RBFOX1: variants seen among roughly 807,000 people sequenced by gnomAD.
RBFOX1 encodes RNA binding fox-1 homolog 1.
Under a neutral mutation model 57.7 loss-of-function variants are expected in RBFOX1, and 8 were observed. That is an observed-to-expected ratio of 0.14 (90% CI 0.08 to 0.25). The LOEUF is 0.25. RBFOX1 is among the 10% of genes least tolerant of loss of function. The pLI is 1.00. For missense variants in RBFOX1, 611 were observed against 548.5 expected (o/e 1.11, Z -1.14); for synonymous variants, 326 against 222.4 (o/e 1.47, Z -4.15).
At chr16:6,057,377 A>G (rs1018040341) in intron 1 of RBFOX1, among the ~76,000 whole-genome samples, 2 of 151,986 alleles carry the variant, frequency 1.3e-5, no homozygotes, top group African/African-American at 4.8e-5. Context: ...GATCCTTCTA[A>G]TCCTATTCTA....
chr16:6,620,787 C>A (rs1472025936), intron 2 of RBFOX1, among the ~76,000 whole-genome samples: 1 of 150,378 alleles, frequency 6.6e-6, no homozygotes, highest in South Asian at 2.1e-4. Flanking sequence ...ATAGATCCTC[C>A]CCAGACTGAT....
intron 3 of RBFOX1, among the ~76,000 whole-genome samples, chr16:5,634,390 A>G (rs1343757299): frequency 6.6e-6 from 1 of 152,256 alleles, no homozygotes; most frequent in African/African-American, 2.4e-5. Flanking sequence ...TAATTGAGAC[A>G]AAAATAGGGA....
chr16:6,339,348 A>C (rs2084201648), intron 2 of RBFOX1, among the ~76,000 whole-genome samples: 1 of 152,214 alleles, frequency 6.6e-6, no homozygotes, highest in Non-Finnish European at 1.5e-5. Context: ...TGATGTGTGC[A>C]GCAAGTCAAT....
chr16:6,170,502 T>C (rs1409897639), intron 1 of RBFOX1, among the ~76,000 whole-genome samples: 4 of 152,206 alleles, frequency 2.6e-5, no homozygotes, highest in African/African-American at 9.6e-5. Flanking sequence ...AATGAGCATT[T>C]GTTGATTGTA....
intron 3 of RBFOX1, among the ~76,000 whole-genome samples, chr16:6,839,380 A>G (rs1320793598): frequency 6.6e-6 from 1 of 152,212 alleles, no homozygotes; most frequent in African/African-American, 2.4e-5. Flanking sequence ...GGCTGAGGTT[A>G]GGTTGTCAGC....
chr16:7,137,977 A>G (rs9889212), intron 4 of RBFOX1, among the ~76,000 whole-genome samples: 13 of 152,164 alleles, frequency 8.5e-5, no homozygotes, highest in African/African-American at 2.9e-4. Context: ...GGTTTTACAG[A>G]TGAGAAAATG....
intron 4 of RBFOX1, among the ~76,000 whole-genome samples, chr16:7,499,177 T>A (rs2069756745): frequency 6.6e-6 from 1 of 152,194 alleles, no homozygotes; most frequent in Non-Finnish European, 1.5e-5. Context: ...ACTGGTTCCT[T>A]CTGAGTGCTG....
At chr16:6,478,402 TATATATATATATATATATA>T (rs2095309176) in intron 2 of RBFOX1, among the ~76,000 whole-genome samples, 5 of 11,288 alleles carry the variant, frequency 4.4e-4, no homozygotes, top group African/African-American at 1.6e-3. Flanking sequence ...TATATATATA[TATATATATATATATATATA>T]TATATATATT....
At chr16:5,588,776 C>A (rs1292283577) in intron 2 of RBFOX1, among the ~76,000 whole-genome samples, 3 of 152,072 alleles carry the variant, frequency 2.0e-5, no homozygotes, top group Non-Finnish European at 2.9e-5. Context: ...TCAAGCCGGT[C>A]TTTTTTTGGA....
chr16:5,732,755 C>T (rs914595513), intron 3 of RBFOX1, among the ~76,000 whole-genome samples: 1 of 152,180 alleles, frequency 6.6e-6, no homozygotes, highest in Non-Finnish European at 1.5e-5. Context: ...GTGAGATTCT[C>T]CCAGGTCCTA....
intron 1 of RBFOX1, among the ~76,000 whole-genome samples, chr16:5,320,982 G>A (rs1288756183): frequency 6.6e-6 from 1 of 152,208 alleles, no homozygotes; most frequent in Non-Finnish European, 1.5e-5. Flanking sequence ...GGGCTCTTCT[G>A]TCTATAGTCA....
At chr16:6,565,126 CAAAA>C (rs34624731) in intron 2 of RBFOX1, among the ~76,000 whole-genome samples, 2 of 98,208 alleles carry the variant, frequency 2.0e-5, no homozygotes, top group Non-Finnish European at 4.2e-5. Context: ...ACTCTGTCTC[CAAAA>C]AAAAAAAAAA....
chr16:7,020,766 C>T (rs1187053989), intron 3 of RBFOX1, among the ~76,000 whole-genome samples: 1 of 152,100 alleles, frequency 6.6e-6, no homozygotes, highest in Non-Finnish European at 1.5e-5. Context: ...GAAATCCCTG[C>T]ATTCCCACCC....
intron 3 of RBFOX1, among the ~76,000 whole-genome samples, chr16:6,874,237 A>C (rs983823768): frequency 6.6e-6 from 1 of 152,106 alleles, no homozygotes; most frequent in Non-Finnish European, 1.5e-5. Flanking sequence ...AGGTCAGGCA[A>C]AGTGGTTCAC....
chr16:6,697,459 T>G (rs970261321), intron 3 of RBFOX1, among the ~76,000 whole-genome samples: 1 of 152,180 alleles, frequency 6.6e-6, no homozygotes. Flanking sequence ...TGAGACTGAC[T>G]TCAGGAATTA....
At chr16:6,145,393 T>A (rs2152710243) in intron 1 of RBFOX1, among the ~76,000 whole-genome samples, 1 of 152,330 alleles carries the variant, frequency 6.6e-6, no homozygotes. Flanking sequence ...TGCATAGTAT[T>A]CCATGGTGTA....
In RBFOX1 at chr16:6,865,158, A is replaced by G. The variant is rs186118416; in HGVS notation, c.-15-186899A>G. On this transcript the variant is annotated intron_variant, in intron 3 of 15. Coordinates refer to ENST00000550418, the MANE Select transcript of RBFOX1 (RefSeq NM_018723.4). ...GCTGGGATTACAGGTGCCCACCACCACTCCTGGGTAATTTTTGTACTTTTA... is the reference window on the plus strand; with the variant it reads ...GCTGGGATTACAGGTGCCCACCACCGCTCCTGGGTAATTTTTGTACTTTTA... 5.3e-3 allele frequency among the ~76,000 whole-genome samples: 801 copies of G among 151,390 alleles called. 6 individuals are homozygous for G. Among genetic ancestry groups the G allele is most frequent in the African/African-American group, 0.018 (751 of 41,280 alleles).
intron 2 of RBFOX1, among the ~76,000 whole-genome samples, chr16:6,448,836 C>T (rs892832930): frequency 6.6e-6 from 1 of 152,122 alleles, no homozygotes; most frequent in Non-Finnish European, 1.5e-5. Flanking sequence ...TATGTAGCCA[C>T]TATTTTTGTA....
At chr16:6,770,580 A>G (rs1479058394) in intron 3 of RBFOX1, among the ~76,000 whole-genome samples, 1 of 150,076 alleles carries the variant, frequency 6.7e-6, no homozygotes, top group Admixed American at 6.6e-5. Context: ...CACAATTTCA[A>G]GGTGTTCCCT....
Sources: allele counts gnomAD v4.1 joint callset (sites outside exome capture counted in the v4.1 genomes callset), GRCh38; gene constraint gnomAD v4.1.1; transcripts MANE v1.5; gene names NCBI Gene and HGNC (gene_info 2026-07-23, HGNC 2026-07-21).